Variants in KCNIP3 observed in about 807,000 individuals in gnomAD.
KCNIP3 encodes potassium voltage-gated channel interacting protein 3, also known as calsenilin.
KCNIP3 carries 28 observed loss-of-function variants against 35.0 expected under a neutral mutation model. That is an observed-to-expected ratio of 0.80 (90% CI 0.59 to 1.10). The LOEUF (loss-of-function observed/expected upper bound fraction) is 1.10. Among genes scored for constraint, KCNIP3 ranks in the 50% least tolerant of loss-of-function variants. The probability of loss-of-function intolerance (pLI) is 0.00; values close to 1 mark genes in which losing one functional copy is unlikely to be tolerated. For synonymous variants in KCNIP3, 134 were observed against 133.8 expected (o/e 1.00, Z -0.01); for missense variants, 295 against 338.4 (o/e 0.87, Z 1.01).
At chr2:95,358,116 C>T (rs1404747439) in intron 2 of KCNIP3, among the ~76,000 whole-genome samples, 2 of 152,166 alleles carry the variant, frequency 1.3e-5, no homozygotes, top group East Asian at 3.9e-4. Context: ...TGTCAGGGGA[C>T]ATAGGCTCGA....
At chr2:95,359,612 C>T (rs1679741531) in intron 2 of KCNIP3, among the ~76,000 whole-genome samples, 1 of 152,232 alleles carries the variant, frequency 6.6e-6, no homozygotes, top group Non-Finnish European at 1.5e-5. Flanking sequence ...AAGGCATTGT[C>T]CTAGCAAGGA....
chr2:95,365,768 C>T (rs1273601122), intron 2 of KCNIP3, among the ~76,000 whole-genome samples: 3 of 152,118 alleles, frequency 2.0e-5, no homozygotes, highest in Non-Finnish European at 4.4e-5. Flanking sequence ...TCAGCCTTGA[C>T]CCATTTACAG....
Position 95,310,342 on chromosome 2 carries a change from G to T in KCNIP3, c.16-13G>T. On this transcript the variant is annotated splice_polypyrimidine_tract_variant and intron_variant, in intron 1 of 8. Transcript: ENST00000295225. ...GCAGGGGCTCAGGGCTGCTCTGCCT[G>T]TTCCTACTGCAGGAAGTGACAAAGG... The T allele has an allele frequency of 6.2e-7, 1 of 1,612,214 alleles. No individual in the cohort carries two copies. Among genetic ancestry groups the T allele is most frequent in the Non-Finnish European group, 8.5e-7 (1 of 1,178,618 alleles).
chr2:95,384,452 T>A lies in KCNIP3; in HGVS notation c.*403T>A. On this transcript the variant is annotated 3_prime_UTR_variant, in exon 9 of 9. Transcript: ENST00000295225. ...GCCCACCTCGTCCCGTTCTCCATTC[T>A]GCTTTCTTGCCACACAGTGGGCCGG... is the stretch of plus-strand genomic sequence containing the variant. The A allele has an allele frequency of 4.5e-6, 1 of 221,672 alleles. No homozygotes were observed. The highest frequency in any genetic ancestry group is 9.0e-6 in the Non-Finnish European group (1 of 111,224). 13.7% of individuals were successfully genotyped at this position (221,672 alleles called of 1,614,324 possible). A position where few individuals can be genotyped will look rare whatever the true frequency, so the allele number is the denominator to read the frequency against.
rs1226857926 is a variant in KCNIP3, at chr2:95,332,211, G to A, written c.181+21691G>A. On this transcript the variant is annotated intron_variant, in intron 2 of 8. Coordinates refer to ENST00000295225, the MANE Select transcript of KCNIP3 (RefSeq NM_013434.5). ...TCAACCAGACTGCACAGAGCCAGGC[G>A]AGAACATGCATGTGACACACAAATG... Among the ~76,000 whole-genome samples, 3 of 152,258 alleles carry A rather than the reference G, an allele frequency of 2.0e-5. No homozygotes were observed. The East Asian group carries it at 5.8e-4, about 29-fold the overall frequency.
At chr2:95,324,316 C>T (rs1678670345) in intron 2 of KCNIP3, among the ~76,000 whole-genome samples, 1 of 151,800 alleles carries the variant, frequency 6.6e-6, no homozygotes, top group Non-Finnish European at 1.5e-5. Flanking sequence ...TCGAGACCAT[C>T]CTGGCTAACA....
chr2:95,301,826 T>C (rs1457818614), intron 1 of KCNIP3, among the ~76,000 whole-genome samples: 1 of 152,020 alleles, frequency 6.6e-6, no homozygotes, highest in Non-Finnish European at 1.5e-5. Flanking sequence ...CCTGCTCCAG[T>C]GCTGCCAGAG....
At chr2:95,348,555 T>C (rs1426479717) in intron 2 of KCNIP3, among the ~76,000 whole-genome samples, 1 of 152,216 alleles carries the variant, frequency 6.6e-6, no homozygotes, top group Non-Finnish European at 1.5e-5. Context: ...CCAGCCTCAC[T>C]TCACTTAGTA....
chr2:95,305,783 G>A (rs1381917902), intron 1 of KCNIP3, among the ~76,000 whole-genome samples: 7 of 152,178 alleles, frequency 4.6e-5, no homozygotes, highest in Non-Finnish European at 1.0e-4. Context: ...TTCATTCAGC[G>A]TAATTCTCTG....
At chr2:95,335,765 C>T (rs987822131) in intron 2 of KCNIP3, among the ~76,000 whole-genome samples, 1 of 152,054 alleles carries the variant, frequency 6.6e-6, no homozygotes, top group Non-Finnish European at 1.5e-5. Context: ...TCTTCTAATT[C>T]TAATTCCATG....
intron 2 of KCNIP3, among the ~76,000 whole-genome samples, chr2:95,321,907 T>C (rs1487344598): frequency 2.0e-5 from 3 of 151,960 alleles, no homozygotes; most frequent in South Asian, 2.1e-4. Flanking sequence ...CTGACCGCCA[T>C]GCTAGACAGT....
chr2:95,303,950 C>T (rs993086396), intron 1 of KCNIP3, among the ~76,000 whole-genome samples: 13 of 152,154 alleles, frequency 8.5e-5, no homozygotes, highest in African/African-American at 3.1e-4. Flanking sequence ...ATCATTTCAA[C>T]CTGCAATTGA....
chr2:95,346,394 C>T (rs966084545), intron 2 of KCNIP3, among the ~76,000 whole-genome samples: 14 of 151,326 alleles, frequency 9.3e-5, no homozygotes, highest in African/African-American at 3.4e-4. Context: ...CAGGGGCTGG[C>T]GGAGCAGCGG....
At chr2:95,326,330 A>G (rs575059133) in intron 2 of KCNIP3, among the ~76,000 whole-genome samples, 1 of 152,232 alleles carries the variant, frequency 6.6e-6, no homozygotes, top group South Asian at 2.1e-4. Flanking sequence ...GTGTAAACAC[A>G]TATACTCACA....
chr2:95,341,370 A>C (rs961675998), intron 2 of KCNIP3, among the ~76,000 whole-genome samples: 1 of 152,170 alleles, frequency 6.6e-6, no homozygotes, highest in African/African-American at 2.4e-5. Context: ...CATGAGATGA[A>C]TATACCTCTT....
At chr2:95,326,210 C>T (rs1349993296) in intron 2 of KCNIP3, among the ~76,000 whole-genome samples, 4 of 150,250 alleles carry the variant, frequency 2.7e-5, no homozygotes, top group Non-Finnish European at 5.9e-5. Flanking sequence ...CACTCATATA[C>T]ACACACACTC....
chr2:95,362,160 G>C (rs559379003), intron 2 of KCNIP3, among the ~76,000 whole-genome samples: 3 of 150,922 alleles, frequency 2.0e-5, no homozygotes, highest in Non-Finnish European at 2.9e-5. Context: ...AGGCTGGAGC[G>C]CAGTGGTGTG....
chr2:95,318,868 T>C (rs747238346), intron 2 of KCNIP3, among the ~76,000 whole-genome samples: 13 of 152,182 alleles, frequency 8.5e-5, no homozygotes, highest in Admixed American at 2.0e-4. Context: ...AAAACAAAGA[T>C]GAGCTGGTGT....
At chr2:95,312,215 G>C (rs146754356) in intron 2 of KCNIP3, 3 of 152,332 alleles carry the variant, frequency 2.0e-5, no homozygotes, top group South Asian at 2.1e-4. Context: ...TCATCCTCCC[G>C]TCTCTCTCTG....
Sources: allele counts gnomAD v4.1 joint callset (sites outside exome capture counted in the v4.1 genomes callset), GRCh38; gene constraint gnomAD v4.1.1; transcripts MANE v1.5; gene names NCBI Gene and HGNC (gene_info 2026-07-23, HGNC 2026-07-21).